The following TJP3 variants were observed in gnomAD, a reference collection of about 807,000 sequenced individuals.
The protein encoded by TJP3 is tight junction protein 3, also known as tight junction protein ZO-3.
In TJP3, 85 loss-of-function variants were observed where a neutral mutation model predicts 104.2. That is an observed-to-expected ratio of 0.82 (90% CI 0.68 to 0.98). The LOEUF (loss-of-function observed/expected upper bound fraction) is 0.98. Among genes scored for constraint, TJP3 ranks in the 50% least tolerant of loss-of-function variants. The pLI is 0.00. For missense variants in TJP3, 1,367 were observed against 1,322.8 expected, an observed-to-expected ratio of 1.03 and a Z score of -0.52; for synonymous variants, 550 against 550.6, an observed-to-expected ratio of 1.00 and a Z score of 0.02.
At position 3,738,904 on chromosome 19, in the gene TJP3, GA is replaced by G; in HGVS notation, c.1405del (p.Met469TrpfsTer130). 6.3e-7 allele frequency: 1 copy of G among 1,587,864 alleles called. No individual in the cohort carries two copies. The highest frequency in any genetic ancestry group is 8.6e-7 in the Non-Finnish European group (1 of 1,162,110). On this transcript the variant is annotated frameshift_variant, in exon 13 of 21. Coordinates refer to ENST00000541714, the MANE Select transcript of TJP3 (RefSeq NM_001267560.2). LOFTEE classifies it high-confidence loss of function. The stretch of plus-strand genomic sequence containing the variant: ...GCCTCCCGCTCTCCCCAGTTTTCTG[GA>G]AAATGGTGCAGTCCCGCGTGGGTGA... ...VTQRKQDIFW[K>X]MVQSRVGDSF...
intron 1 of TJP3, 153 bp from the exon 2 acceptor site, chr19:3,728,271 A>G: frequency 8.0e-7 from 1 of 1,249,870 alleles, no homozygotes; most frequent in Admixed American, 2.7e-5. Context: ...AAACAAACAA[A>G]AAAACCTGAG....
rs1003304023 is a variant in TJP3 at position 3,747,835 on chromosome 19, C to T, written c.2364C>T (p.His788=). ...SLEDNLDLPH[H]GLADSSADLS... ...AGGACAACCTAGACCTCCCTCACCA[C>T]GGCCTGGCCGACAGCTCCGCTGACC... The change falls in exon 19 of 21, where the codon CAC becomes CAT. Residue 788 remains histidine, a synonymous_variant. Coordinates refer to ENST00000541714, the MANE Select transcript of TJP3 (RefSeq NM_001267560.2). The T allele has an allele frequency of 6.2e-6, 10 of 1,608,518 alleles. No homozygotes were observed. The highest frequency in any genetic ancestry group is 1.7e-5 in the Admixed American group (1 of 59,852).
chr19:3,743,427 G>T (rs1448199628), intron 14 of TJP3, among the ~76,000 whole-genome samples: 1 of 152,198 alleles, frequency 6.6e-6, no homozygotes, highest in Non-Finnish European at 1.5e-5. Context: ...TACTTTTCCT[G>T]CAAAGGATCA....
rs1212919561 is a variant in TJP3, at chr19:3,730,543, G to A, written c.450G>A (p.Arg150=). 2.5e-6 allele frequency: 4 copies of A among 1,602,422 alleles called. No homozygotes were observed. The highest frequency in any genetic ancestry group is 3.4e-6 in the Non-Finnish European group (4 of 1,176,978). Reference sequence around the variant, plus strand: ...GGGACGAGCGCTCCCGCCGGCCGAGGCCTGGTCGCCGGGGCCGGGCCGGCA... The same window carrying A: ...GGGACGAGCGCTCCCGCCGGCCGAGACCTGGTCGCCGGGGCCGGGCCGGCA... The part of the protein sequence containing the change: ...RSWDERSRRP[R]PGRRGRAGSH... The change falls in exon 5 of 21, where the codon AGG becomes AGA. Residue 150 remains arginine (R), a synonymous_variant. Coordinates refer to ENST00000541714, the MANE Select transcript of TJP3 (RefSeq NM_001267560.2). This position sits in a 1 kb window ranked among gnomAD's most constrained non-coding sequence, Gnocchi z 7.3.
Position 3,744,431 on chromosome 19 carries a change from C to T in TJP3, c.1939+397C>T, listed in dbSNP as rs917147999. On this transcript the variant is annotated intron_variant, in intron 15 of 20. Transcript: ENST00000541714. ...CTGTAATCCCAGCACTTTGGGAGTC[C>T]GAGGCGGGTGGATCACGAGGTCAAG... 9.2e-5 allele frequency among the ~76,000 whole-genome samples: 14 copies of T among 151,916 alleles called. No homozygotes were observed. The East Asian group carries it at 9.7e-4, about 11-fold the overall frequency.
At chr19:3,740,860 G>T in intron 14 of TJP3, 97 bp downstream of exon 14, 1 of 1,234,970 alleles carries the variant, frequency 8.1e-7, no homozygotes. Context: ...CACAGTCTTG[G>T]CCCGGCGTGG....
At position 3,731,344 on chromosome 19, in the gene TJP3, G is replaced by A. The variant is rs72984730; in HGVS notation, c.614-591G>A. 2.3e-3 allele frequency among the ~76,000 whole-genome samples: 356 copies of A among 152,240 alleles called. 2 individuals carry two copies. The highest frequency in any genetic ancestry group is 3.8e-3 in the Non-Finnish European group (257 of 68,014). ...TGTCACCACAGGGTCCTTATAAGAG[G>A]AGGCCTGGCTGAGTGTGGTGGCTGA... is the stretch of plus-strand genomic sequence containing the variant. On this transcript the variant is annotated intron_variant, in intron 5 of 20. Coordinates refer to ENST00000541714, the MANE Select transcript of TJP3 (RefSeq NM_001267560.2).
At chr19:3,710,006 G>A (rs562177678) in intron 1 of TJP3, among the ~76,000 whole-genome samples, 3 of 151,950 alleles carry the variant, frequency 2.0e-5, no homozygotes, top group Non-Finnish European at 4.4e-5. Flanking sequence ...AAAATGAGCC[G>A]AATATGGTGG....
In TJP3 at chr19:3,735,589, A is replaced by C; in HGVS notation, c.1010A>C (p.Glu337Ala). The C allele has an allele frequency of 1.9e-6, 3 of 1,614,154 alleles. No homozygotes were observed. The highest frequency in any genetic ancestry group is 2.5e-6 in the Non-Finnish European group (3 of 1,180,028). ...SPVESPRLRRESSVDSRTISE... is the reference protein window; with the variant it reads ...SPVESPRLRRASSVDSRTISE... ...AGGGAGAGTCCCCGGCTTCGGCGGGAAAGTTCAGTAGATTCCAGAACCATC... is the reference window on the plus strand; with the variant it reads ...AGGGAGAGTCCCCGGCTTCGGCGGGCAAGTTCAGTAGATTCCAGAACCATC... The change falls in exon 9 of 21, where the codon GAA becomes GCA. Residue 337 changes from glutamate to alanine, a missense_variant. Transcript: ENST00000541714.
intron 1 of TJP3, among the ~76,000 whole-genome samples, chr19:3,709,916 G>C (rs489843): frequency 6.6e-6 from 1 of 151,816 alleles, no homozygotes; most frequent in Non-Finnish European, 1.5e-5. Context: ...TTGGGAGGTC[G>C]AGGCGAGTGG....
chr19:3,728,340 C>T, intron 1 of TJP3, 84 bp from the exon 2 acceptor site: 8 of 1,605,544 alleles, frequency 5.0e-6, no homozygotes, highest in Non-Finnish European at 6.8e-6. Context: ...CAGAGCTGGA[C>T]TCCCCACCCT....
chr19:3,708,794 A>C (rs1361760257), intron 1 of TJP3, among the ~76,000 whole-genome samples: 3 of 152,140 alleles, frequency 2.0e-5, no homozygotes, highest in Non-Finnish European at 4.4e-5. Context: ...CTGAGCTGGA[A>C]ACTTAAAAGG....
chr19:3,728,321 C>A, intron 1 of TJP3, 103 bp from the exon 2 acceptor site: 1 of 1,575,536 alleles, frequency 6.3e-7, no homozygotes, highest in Non-Finnish European at 8.7e-7. Flanking sequence ...GCTCCAAACA[C>A]AGGCCTGTCA....
chr19:3,746,187 C>A lies in TJP3; in HGVS notation c.2010+106C>A. The A allele has an allele frequency of 8.4e-7, 1 of 1,190,008 alleles. No individual in the cohort carries two copies. The highest frequency in any genetic ancestry group is 1.2e-6 in the Non-Finnish European group (1 of 825,568). The allele number at this position is 1,190,008 out of a possible 1,614,324, so 73.7% of individuals were successfully genotyped here. On this transcript the variant is annotated intron_variant, in intron 16 of 20. Coordinates refer to ENST00000541714, the MANE Select transcript of TJP3 (RefSeq NM_001267560.2). This position sits in a 1 kb window ranked among gnomAD's most constrained non-coding sequence, Gnocchi z 4.1. ...GTTCTCAGCCCACACCCCACAAGTG[C>A]AGTCTTCCATAGAGCCCCTTTTGGA...
intron 1 of TJP3, among the ~76,000 whole-genome samples, chr19:3,716,967 T>G (rs1014907818): frequency 1.7e-5 from 1 of 58,186 alleles, no homozygotes; most frequent in Non-Finnish European, 4.2e-5. Flanking sequence ...CCCAGGTGAC[T>G]TTTTTTTTTT....
intron 14 of TJP3, among the ~76,000 whole-genome samples, chr19:3,741,946 G>T (rs1432787719): frequency 2.0e-5 from 3 of 151,924 alleles, no homozygotes; most frequent in African/African-American, 7.3e-5. Flanking sequence ...CTCCAGCCTG[G>T]GCAACAAGAG....
At chr19:3,715,619 G>A (rs1284083872) in intron 1 of TJP3, among the ~76,000 whole-genome samples, 2 of 152,094 alleles carry the variant, frequency 1.3e-5, no homozygotes, top group Non-Finnish European at 2.9e-5. Context: ...CTCTTAGAGG[G>A]GTTGACAGTG....
chr19:3,709,610 C>T (rs1428335620), intron 1 of TJP3, among the ~76,000 whole-genome samples: 1 of 152,164 alleles, frequency 6.6e-6, no homozygotes, highest in African/African-American at 2.4e-5. Context: ...AGAGGGTCCC[C>T]CGGGGCCGAG....
chr19:3,749,899 A>G (rs1437765748), intron 19 of TJP3, among the ~76,000 whole-genome samples: 1 of 152,212 alleles, frequency 6.6e-6, no homozygotes, highest in Non-Finnish European at 1.5e-5. Context: ...GGACTTGCAC[A>G]GATGAGAAAC....
Sources: allele counts gnomAD v4.1 joint callset (sites outside exome capture counted in the v4.1 genomes callset), GRCh38; gene constraint gnomAD v4.1.1; non-coding constraint Gnocchi (gnomAD v3.1); transcripts MANE v1.5; gene names NCBI Gene and HGNC (gene_info 2026-07-23, HGNC 2026-07-21).